Variants in PDCD11 observed in about 807,000 individuals in gnomAD.
PDCD11 encodes the protein programmed cell death 11.
PDCD11 carries 97 observed loss-of-function variants against 198.9 expected under a neutral mutation model. That is an observed-to-expected ratio of 0.49 (90% CI 0.41 to 0.58). PDCD11 has a LOEUF of 0.58. Among genes scored for constraint, PDCD11 ranks in the 20% least tolerant of loss-of-function variants. The probability of loss-of-function intolerance (pLI) is 0.00; values close to 1 mark genes in which losing one functional copy is unlikely to be tolerated. For synonymous variants in PDCD11, 893 were observed against 918.0 expected (o/e 0.97, Z 0.49); for missense variants, 2,102 against 2,312.7 (o/e 0.91, Z 1.87).
chr10:103,439,570 G>A (rs1481120241), intron 27 of PDCD11, among the ~76,000 whole-genome samples, 176 bp from the exon 28 acceptor site: 1 of 152,180 alleles, frequency 6.6e-6, no homozygotes, highest in African/African-American at 2.4e-5. Flanking sequence ...TCTTCATTAT[G>A]CTTGATGATG....
chr10:103,437,955 C>T (rs2032219126), intron 25 of PDCD11, 60 bp from the exon 26 acceptor site: 3 of 1,366,376 alleles, frequency 2.2e-6, no homozygotes, highest in African/African-American at 2.9e-5. Flanking sequence ...GAAGCTGAGA[C>T]CCTTTGCTGT....
At chr10:103,404,657 A>C (rs1411521397) in intron 4 of PDCD11, among the ~76,000 whole-genome samples, 3 of 152,228 alleles carry the variant, frequency 2.0e-5, no homozygotes, top group African/African-American at 7.2e-5. Flanking sequence ...CACTGGATTT[A>C]ACAATATGGA....
chr10:103,417,119 CAGAT>C (rs1182980639), intron 13 of PDCD11, among the ~76,000 whole-genome samples: 2 of 152,088 alleles, frequency 1.3e-5, no homozygotes, highest in Admixed American at 6.5e-5. Context: ...CGACTTTAAA[CAGAT>C]AGATAATAAT....
In PDCD11 at chr10:103,406,675, TTG is replaced by T; in HGVS notation, c.757_758del (p.Val253Ter). ...GAAAAGGTGAAAGGCAACGGAGGAGTTGTTAGTCTGTCTGTTGGTCACTCAGA... is the reference window on the plus strand; with the variant it reads ...GAAAAGGTGAAAGGCAACGGAGGAGTTTAGTCTGTCTGTTGGTCACTCAGA... On this transcript the variant is annotated frameshift_variant, in exon 7 of 36. Transcript: ENST00000369797. LOFTEE classifies it high-confidence loss of function. The T allele has an allele frequency of 6.2e-7, 1 of 1,613,834 alleles. No individual in the cohort carries two copies. The highest frequency in any genetic ancestry group is 1.1e-5 in the South Asian group (1 of 91,068).
At chr10:103,434,383 G>C in intron 24 of PDCD11, 33 bp downstream of exon 24, 1 of 1,405,398 alleles carries the variant, frequency 7.1e-7, no homozygotes, top group Non-Finnish European at 1.0e-6. Context: ...GGTCGGGGAA[G>C]GGGAGCGGCA....
chr10:103,433,826 G>T, intron 22 of PDCD11, 122 bp from the exon 23 acceptor site: 1 of 721,290 alleles, frequency 1.4e-6, no homozygotes, highest in Non-Finnish European at 2.5e-6. Context: ...ATGGAAGGGT[G>T]GATTCCTGTC....
At chr10:103,406,191 C>T in intron 6 of PDCD11, 83 bp downstream of exon 6, 1 of 1,502,878 alleles carries the variant, frequency 6.7e-7, no homozygotes, top group Non-Finnish European at 9.1e-7. Flanking sequence ...TGATGAGTAA[C>T]ATGACAGAAT....
At position 103,403,110 on chromosome 10, in the gene PDCD11, T is replaced by A; in HGVS notation, c.235-8T>A. On this transcript the variant is annotated splice_polypyrimidine_tract_variant and splice_region_variant and intron_variant, in intron 3 of 35. Coordinates refer to ENST00000369797, the MANE Select transcript of PDCD11 (RefSeq NM_014976.2). ...CTTATTGTACACATTTCACTTTTTC[T>A]CTTCTAGTCCCTGTGTGAGGGAATG... 1 of 1,613,396 alleles carries A rather than the reference T, an allele frequency of 6.2e-7. No individual in the cohort carries two copies. The highest frequency in any genetic ancestry group is 8.5e-7 in the Non-Finnish European group (1 of 1,179,554).
At chr10:103,398,551 G>A (rs372959807) in intron 2 of PDCD11, 23 bp downstream of exon 2, 43 of 1,445,938 alleles carry the variant, frequency 3.0e-5, no homozygotes, top group Middle Eastern at 1.7e-4. Flanking sequence ...CTTGTTTGGT[G>A]ACACTCACTG....
At chr10:103,426,152 AAG>A (rs1326799460) in intron 20 of PDCD11, among the ~76,000 whole-genome samples, 1 of 152,152 alleles carries the variant, frequency 6.6e-6, no homozygotes, top group Non-Finnish European at 1.5e-5. Context: ...TGAAGACTGA[AAG>A]AGAGAACGTG....
At chr10:103,431,587 G>C (rs200363936) in intron 21 of PDCD11, among the ~76,000 whole-genome samples, 1 of 66,832 alleles carries the variant, frequency 1.5e-5, no homozygotes, top group African/African-American at 4.0e-5. Context: ...GCAAGACTCT[G>C]TCTCAAAAAA....
chr10:103,406,256 T>C, intron 6 of PDCD11, 148 bp downstream of exon 6: 3 of 890,642 alleles, frequency 3.4e-6, no homozygotes, highest in Non-Finnish European at 5.1e-6. Flanking sequence ...TCCTAGTTAA[T>C]AGGAAAGGAA....
chr10:103,443,297 C>T lies in PDCD11; in HGVS notation c.5088C>T (p.His1696=). The T allele has an allele frequency of 6.2e-7, 1 of 1,612,030 alleles. No individual in the cohort carries two copies. The change falls in exon 33 of 36, where the codon CAC becomes CAT. Residue 1696 remains histidine, a synonymous_variant. Transcript: ENST00000369797. The stretch of plus-strand genomic sequence containing the variant: ...ACGAGCCTCTCAAAGTCTTTCTCCA[C>T]CTGGCTGACATCTACGCCAAGTCAG... ...QYNEPLKVFL[H]LADIYAKSEK...
In PDCD11 at chr10:103,434,901, A is replaced by T; in HGVS notation, c.3771A>T (p.Thr1257=). ...TVSFPFGKIG[T]VSIFHMSDSY... ...CCTTCCCCTTTGGGAAGATAGGAAC[A>T]GTCAGTATATTTCACATGAGTGACT... Residue 1257 remains threonine, a synonymous_variant, in exon 25 of 36, where the codon ACA becomes ACT. Coordinates refer to ENST00000369797, the MANE Select transcript of PDCD11 (RefSeq NM_014976.2). 6.2e-7 allele frequency: 1 copy of T among 1,612,572 alleles called. No homozygotes were observed. Among genetic ancestry groups the T allele is most frequent in the Non-Finnish European group, 8.5e-7 (1 of 1,179,392 alleles).
chr10:103,439,331 C>T (rs1467226402), intron 27 of PDCD11, among the ~76,000 whole-genome samples: 2 of 152,064 alleles, frequency 1.3e-5, no homozygotes, highest in Non-Finnish European at 2.9e-5. Flanking sequence ...GGCAGTGATA[C>T]CCTGTGTCTA....
chr10:103,414,462 A>G (rs1592121498), intron 11 of PDCD11, 132 bp downstream of exon 11: 12 of 650,982 alleles, frequency 1.8e-5, no homozygotes, highest in Middle Eastern at 3.8e-4. Flanking sequence ...CTGCCTGCTG[A>G]CTAGAATTTC....
chr10:103,444,714 C>T (rs2133759590), intron 35 of PDCD11, 32 bp downstream of exon 35: 3 of 1,606,456 alleles, frequency 1.9e-6, no homozygotes, highest in Non-Finnish European at 2.6e-6. Flanking sequence ...GGCCGAGTTC[C>T]TCAGGAGAGG....
intron 19 of PDCD11, among the ~76,000 whole-genome samples, chr10:103,424,512 A>G (rs1361820380): frequency 6.6e-6 from 1 of 152,220 alleles, no homozygotes; most frequent in Non-Finnish European, 1.5e-5. Context: ...GATTTTGAGG[A>G]AAGAGAGGCT....
intron 21 of PDCD11, 140 bp downstream of exon 21, chr10:103,427,531 TG>T: frequency 1.5e-6 from 1 of 665,888 alleles, no homozygotes. Context: ...GTTTCTCTAG[TG>T]GGGATATTTG....
Sources: gnomAD v4.1 joint callset for allele counts (sites outside exome capture counted in the v4.1 genomes callset) on GRCh38, gnomAD v4.1.1 for gene constraint, MANE v1.5 for transcripts, NCBI Gene and HGNC (gene_info 2026-07-23, HGNC 2026-07-21) for gene names.